CADPS: variants seen among roughly 807,000 people sequenced by gnomAD.
CADPS encodes the protein calcium-dependent secretion activator 1.
CADPS carries 57 observed loss-of-function variants against 167.3 expected under a neutral mutation model. The ratio of observed to expected loss-of-function variants is 0.34; its 90% CI spans 0.28 to 0.42. The LOEUF is 0.42. Among genes scored for constraint, CADPS ranks in the 20% least tolerant of loss-of-function variants. The pLI is 1.00. For missense variants in CADPS, 1,414 were observed against 1,738.1 expected (o/e 0.81, Z 3.32); for synonymous variants, 676 against 635.3 (o/e 1.06, Z -0.96).
chr3:62,614,985 T>C (rs7631176), intron 6 of CADPS, among the ~76,000 whole-genome samples: 5,450 of 152,266 alleles, frequency 0.036, 184 homozygotes, highest in African/African-American at 0.087. Context: ...TCAGATACCA[T>C]TGAGAGCTCT....
chr3:62,835,245 A>C (rs1390212633), intron 1 of CADPS, among the ~76,000 whole-genome samples: 1 of 152,198 alleles, frequency 6.6e-6, no homozygotes, highest in Non-Finnish European at 1.5e-5. Flanking sequence ...ATCTCAAAAT[A>C]AAAAATAAAG....
chr3:62,791,772 G>T (rs1348083896), intron 1 of CADPS, among the ~76,000 whole-genome samples: 1 of 152,166 alleles, frequency 6.6e-6, no homozygotes, highest in Non-Finnish European at 1.5e-5. Context: ...AACTGTTCTG[G>T]CAATGCCCTT....
At chr3:62,527,037 A>G (rs569364262) in intron 13 of CADPS, among the ~76,000 whole-genome samples, 38 of 152,204 alleles carry the variant, frequency 2.5e-4, no homozygotes, top group Non-Finnish European at 4.9e-4. Context: ...TCCCAGCTCC[A>G]TTTAAGACTT....
At chr3:62,585,025 G>A (rs2084291130) in intron 8 of CADPS, among the ~76,000 whole-genome samples, 160 bp downstream of exon 8, 1 of 152,206 alleles carries the variant, frequency 6.6e-6, no homozygotes, top group Non-Finnish European at 1.5e-5. Context: ...CCTAAGAATT[G>A]AGGAAGTTTA....
At chr3:62,411,024 G>A (rs2048856144) in intron 28 of CADPS, among the ~76,000 whole-genome samples, 1 of 152,168 alleles carries the variant, frequency 6.6e-6, no homozygotes, top group Admixed American at 6.5e-5. Flanking sequence ...AGGGTTGCTT[G>A]AGCCCAGGGG....
intron 28 of CADPS, among the ~76,000 whole-genome samples, chr3:62,422,788 T>A (rs544086192): frequency 6.6e-6 from 1 of 152,334 alleles, no homozygotes; most frequent in East Asian, 1.9e-4. Flanking sequence ...TGAAACCTCA[T>A]AGTGCCATTG....
At chr3:62,834,706 A>T (rs1187279679) in intron 1 of CADPS, among the ~76,000 whole-genome samples, 1 of 152,176 alleles carries the variant, frequency 6.6e-6, no homozygotes, top group Non-Finnish European at 1.5e-5. Flanking sequence ...TCAGTAGTAT[A>T]AGTATTATTA....
At chr3:62,661,937 G>C (rs1035765162) in intron 4 of CADPS, among the ~76,000 whole-genome samples, 1 of 152,194 alleles carries the variant, frequency 6.6e-6, no homozygotes, top group Non-Finnish European at 1.5e-5. Context: ...TAGAACAAGA[G>C]AAGAGGAGTA....
rs62242367 is a variant in CADPS at position 62,793,240 on chromosome 3, T to C, written c.442-27256A>G. On this transcript the variant is annotated intron_variant, in intron 1 of 29. Transcript: ENST00000383710. ...GCTTGTGAAACATTAACAAACAAAATTTAATATGGTGTAGAATGTGGCATC... is the reference window on the plus strand; with the variant it reads ...GCTTGTGAAACATTAACAAACAAAACTTAATATGGTGTAGAATGTGGCATC... Among the ~76,000 whole-genome samples the C allele has an allele frequency of 4.1e-3, 623 of 152,084 alleles. 2 individuals carry two copies. Among genetic ancestry groups the C allele is most frequent in the Non-Finnish European group, 6.4e-3 (432 of 68,026 alleles).
chr3:62,651,262 A>G (rs1489276863), intron 4 of CADPS, among the ~76,000 whole-genome samples, 182 bp from the exon 5 acceptor site: 1 of 152,200 alleles, frequency 6.6e-6, no homozygotes, highest in African/African-American at 2.4e-5. Context: ...CCTGCCTGCT[A>G]GTTATTTATA....
intron 3 of CADPS, among the ~76,000 whole-genome samples, chr3:62,739,371 C>A (rs2079692262): frequency 6.6e-6 from 1 of 152,206 alleles, no homozygotes; most frequent in South Asian, 2.1e-4. Context: ...ACCATAAGAA[C>A]TACCCAGCTC....
In CADPS at chr3:62,787,164, A is replaced by C. The variant is rs146563482; in HGVS notation, c.442-21180T>G. Among the ~76,000 whole-genome samples, 203 of 151,868 alleles carry C rather than the reference A, an allele frequency of 1.3e-3. 1 individual carries two copies. The highest frequency in any genetic ancestry group is 5.6e-3 in the Admixed American group (86 of 15,234). On this transcript the variant is annotated intron_variant, in intron 1 of 29. Coordinates refer to ENST00000383710, the MANE Select transcript of CADPS (RefSeq NM_003716.4). The stretch of plus-strand genomic sequence containing the variant: ...TAAAAAATTAGCCGGGCATGGTTGC[A>C]TGCACCTGTGGTCCCACCTACGTGG...
chr3:62,686,066 C>T (rs2077978228), intron 3 of CADPS, among the ~76,000 whole-genome samples: 1 of 152,028 alleles, frequency 6.6e-6, no homozygotes, highest in South Asian at 2.1e-4. Context: ...CCATACATTG[C>T]ATATATCAAA....
rs1575519733 is a variant in CADPS at position 62,399,222 on chromosome 3, G to C, written c.*184C>G. On this transcript the variant is annotated 3_prime_UTR_variant, in exon 30 of 30. Coordinates refer to ENST00000383710, the MANE Select transcript of CADPS (RefSeq NM_003716.4). This position sits in a 1 kb window ranked among gnomAD's most constrained non-coding sequence, Gnocchi z 5.6. ...TGTAAACATATAGACATGGACATCA[G>C]GAAATCAGTGGATATGAAGGTCATT... 1.7e-6 allele frequency: 1 copy of C among 580,548 alleles called. No homozygotes were observed. The highest frequency in any genetic ancestry group is 2.9e-5 in the East Asian group (1 of 34,726). The allele number at this position is 580,548 out of a possible 1,614,324, so 36.0% of individuals were successfully genotyped here.
intron 9 of CADPS, among the ~76,000 whole-genome samples, chr3:62,560,977 G>A (rs919127761): frequency 2.0e-5 from 3 of 150,906 alleles, no homozygotes; most frequent in Non-Finnish European, 4.4e-5. Flanking sequence ...TACTCCGGAG[G>A]CTGAGGCAGG....
chr3:62,563,751 C>T (rs374772405), intron 9 of CADPS, among the ~76,000 whole-genome samples: 2 of 152,046 alleles, frequency 1.3e-5, no homozygotes, highest in African/African-American at 4.8e-5. Context: ...TCTTTGCATC[C>T]TCATAGTTTA....
intron 3 of CADPS, among the ~76,000 whole-genome samples, chr3:62,746,408 T>C (rs1458503807): frequency 6.6e-6 from 1 of 152,154 alleles, no homozygotes; most frequent in African/African-American, 2.4e-5. Context: ...TTTTCATGGC[T>C]CACTTCAGCC....
At chr3:62,555,577 G>C (rs1254106668) in intron 10 of CADPS, among the ~76,000 whole-genome samples, 1 of 152,098 alleles carries the variant, frequency 6.6e-6, no homozygotes, top group African/African-American at 2.4e-5. Context: ...TAATGATCCT[G>C]GTCTTATCCA....
Position 62,438,668 on chromosome 3 carries a change from T to C in CADPS, c.3670-457A>G, listed in dbSNP as rs971021076. The C allele has an allele frequency of 1.2e-5, 2 of 163,628 alleles. No individual in the cohort carries two copies. 10.1% of individuals were successfully genotyped at this position (163,628 alleles called of 1,614,324 possible). A position where few individuals can be genotyped will look rare whatever the true frequency, so the allele number is the denominator to read the frequency against. On this transcript the variant is annotated intron_variant, in intron 27 of 29. Transcript: ENST00000383710. The surrounding 1 kb of genome is among the most constrained non-coding windows in gnomAD (Gnocchi z 4.7). ...TTTAAAATATTGAGAAAGTACTAAG[T>C]AAAAAAAATTGTGTTTCAATCTATA...
Sources: gnomAD v4.1 joint callset for allele counts (sites outside exome capture counted in the v4.1 genomes callset) on GRCh38, gnomAD v4.1.1 for gene constraint, Gnocchi (gnomAD v3.1) non-coding constraint, MANE v1.5 for transcripts, NCBI Gene and HGNC (gene_info 2026-07-23, HGNC 2026-07-21) for gene names.